Variants in PDE4D observed in about 807,000 individuals in gnomAD.
The protein encoded by PDE4D is phosphodiesterase 4D, also known as 3',5'-cyclic-AMP phosphodiesterase 4D.
PDE4D carries 24 observed loss-of-function variants against 87.4 expected under a neutral mutation model. The observed-to-expected ratio is 0.27, with a 90% CI of 0.20 to 0.39. PDE4D has a LOEUF of 0.39. PDE4D is among the 10% of genes least tolerant of loss of function. The pLI is 1.00. For synonymous variants in PDE4D, 384 were observed against 383.2 expected, an observed-to-expected ratio of 1.00 and a Z score of -0.02; for missense variants, 714 against 1,041.0, an observed-to-expected ratio of 0.69 and a Z score of 4.32.
chr5:59,799,556 G>T (rs1489984432), intron 1 of PDE4D, among the ~76,000 whole-genome samples: 1 of 152,174 alleles, frequency 6.6e-6, no homozygotes, highest in African/African-American at 2.4e-5. Context: ...TGGGGGGGCA[G>T]GAAATGGTTA....
chr5:59,328,565 T>C (rs1776136471), intron 1 of PDE4D, among the ~76,000 whole-genome samples: 1 of 152,142 alleles, frequency 6.6e-6, no homozygotes. Context: ...ATCCACAAAA[T>C]AATAGCCTCG....
intron 5 of PDE4D, among the ~76,000 whole-genome samples, chr5:59,171,879 T>TATA (rs78397815): frequency 0.32 from 38,433 of 121,992 alleles, 7,079 homozygotes; most frequent in African/African-American, 0.46. Flanking sequence ...ATATGAGAAA[T>TATA]ATATTTATTA....
chr5:60,476,540 G>T (rs1023395803), intron 1 of PDE4D, among the ~76,000 whole-genome samples: 2 of 152,180 alleles, frequency 1.3e-5, no homozygotes, highest in Admixed American at 6.5e-5. Context: ...CCAATGGATT[G>T]CCATGGCACT....
chr5:59,629,527 A>T (rs969513244), intron 1 of PDE4D, among the ~76,000 whole-genome samples: 1 of 152,152 alleles, frequency 6.6e-6, no homozygotes, highest in East Asian at 1.9e-4. Flanking sequence ...GCCATCTACA[A>T]GCTAAGAAAA....
chr5:60,452,139 A>G (rs1746143472), intron 1 of PDE4D, among the ~76,000 whole-genome samples: 1 of 152,110 alleles, frequency 6.6e-6, no homozygotes, highest in Non-Finnish European at 1.5e-5. Context: ...GAAAAGCCTC[A>G]GGATTTGGAT....
At chr5:60,510,901 C>T (rs1391283025) in intron 1 of PDE4D, among the ~76,000 whole-genome samples, 1 of 152,156 alleles carries the variant, frequency 6.6e-6, no homozygotes, top group Non-Finnish European at 1.5e-5. Flanking sequence ...GATGGAGGCA[C>T]AATTATCCTT....
intron 2 of PDE4D, among the ~76,000 whole-genome samples, chr5:60,036,446 A>G (rs1410775145): frequency 6.6e-6 from 1 of 152,222 alleles, no homozygotes. Flanking sequence ...CAATAACTCA[A>G]ACAGGATGAT....
chr5:59,744,516 T>C (rs1245362251), intron 1 of PDE4D, among the ~76,000 whole-genome samples: 4 of 152,290 alleles, frequency 2.6e-5, no homozygotes, highest in Non-Finnish European at 5.9e-5. Flanking sequence ...AGCCTGACTT[T>C]GATGTATCTA....
chr5:59,621,027 C>T (rs1484984033), intron 1 of PDE4D, among the ~76,000 whole-genome samples: 1 of 151,446 alleles, frequency 6.6e-6, no homozygotes, highest in Non-Finnish European at 1.5e-5. Flanking sequence ...TTTTGTGGCC[C>T]CCTAGAGTAG....
chr5:59,593,223 G>A (rs1826156791), intron 1 of PDE4D, among the ~76,000 whole-genome samples: 1 of 150,118 alleles, frequency 6.7e-6, no homozygotes, highest in East Asian at 2.0e-4. Context: ...AAATTCAAAG[G>A]AGCAAAAATA....
intron 1 of PDE4D, among the ~76,000 whole-genome samples, chr5:60,319,705 A>G (rs1246067348): frequency 1.3e-5 from 2 of 152,138 alleles, no homozygotes. Flanking sequence ...TCTAACAGTT[A>G]GGACCCTCAG....
chr5:59,244,686 G>A lies in PDE4D; in HGVS notation c.456-28718C>T, dbSNP rs1373125927. Among the ~76,000 whole-genome samples the A allele has an allele frequency of 5.2e-5, 7 of 133,840 alleles. 1 individual carries two copies. Among genetic ancestry groups the A allele is most frequent in the Non-Finnish European group, 1.6e-5 (1 of 62,446 alleles). 87.8% of individuals were successfully genotyped at this position (133,840 alleles called of 152,430 possible). ...TGTATGTATGTGTGTGTGTCTGTGT[G>A]TGTGTGTGTGTGTGTGTGTGTGTGT... On this transcript the variant is annotated intron_variant, in intron 1 of 14. Transcript: ENST00000340635.
At chr5:60,401,929 A>G (rs1365782091) in intron 1 of PDE4D, among the ~76,000 whole-genome samples, 1 of 152,252 alleles carries the variant, frequency 6.6e-6, no homozygotes, top group Non-Finnish European at 1.5e-5. Flanking sequence ...CTTTTAAAGC[A>G]CTATGAAATG....
intron 3 of PDE4D, among the ~76,000 whole-genome samples, chr5:59,956,405 A>G (rs1469257280): frequency 1.3e-5 from 2 of 152,178 alleles, no homozygotes; most frequent in East Asian, 3.8e-4. Flanking sequence ...ACCATAGCAG[A>G]GTGCTCATTT....
chr5:59,255,904 A>T (rs1294719466), intron 1 of PDE4D, among the ~76,000 whole-genome samples: 1 of 152,154 alleles, frequency 6.6e-6, no homozygotes, highest in East Asian at 1.9e-4. Flanking sequence ...TTCCTCATAG[A>T]TGCACAGTAT....
At chr5:59,407,092 C>A (rs1449858133) in intron 1 of PDE4D, among the ~76,000 whole-genome samples, 1 of 152,164 alleles carries the variant, frequency 6.6e-6, no homozygotes. Flanking sequence ...CCCTCCAATT[C>A]TCATGTTGAG....
chr5:60,337,935 G>T (rs1433180483), intron 1 of PDE4D, among the ~76,000 whole-genome samples: 1 of 151,930 alleles, frequency 6.6e-6, no homozygotes, highest in African/African-American at 2.4e-5. Flanking sequence ...TAAAAAAAAA[G>T]ACATACAATG....
At chr5:59,613,631 G>A (rs973085414) in intron 1 of PDE4D, among the ~76,000 whole-genome samples, 3 of 152,154 alleles carry the variant, frequency 2.0e-5, no homozygotes, top group African/African-American at 4.8e-5. Flanking sequence ...GGAATGAGAT[G>A]CCTTGAGACC....
intron 1 of PDE4D, among the ~76,000 whole-genome samples, chr5:60,196,426 G>C (rs755457243): frequency 1.3e-5 from 2 of 151,718 alleles, no homozygotes; most frequent in Non-Finnish European, 2.9e-5. Context: ...GCCTCCTGCA[G>C]CAGAGAAGAA....
Sources: allele counts gnomAD v4.1 joint callset (sites outside exome capture counted in the v4.1 genomes callset), GRCh38; gene constraint gnomAD v4.1.1; transcripts MANE v1.5; gene names NCBI Gene and HGNC (gene_info 2026-07-23, HGNC 2026-07-21).